Variants in FAT2 observed in about 807,000 individuals in gnomAD.
FAT2 encodes the protein protocadherin Fat 2.
FAT2 carries 150 observed loss-of-function variants against 295.3 expected under a neutral mutation model. The observed-to-expected ratio is 0.51, with a 90% CI of 0.44 to 0.58. The LOEUF is 0.58. Ranked by LOEUF, FAT2 falls within the 20% of genes least tolerant of loss-of-function variation. The probability of loss-of-function intolerance (pLI) is 0.00; values close to 1 mark genes in which losing one functional copy is unlikely to be tolerated. For missense variants in FAT2, 4,868 were observed against 5,442.7 expected (o/e 0.89, Z 3.32); for synonymous variants, 2,026 against 2,150.3 (o/e 0.94, Z 1.60).
At chr5:151,569,665 T>G (rs1023873320) in intron 1 of FAT2, among the ~76,000 whole-genome samples, 1 of 114,018 alleles carries the variant, frequency 8.8e-6, no homozygotes, top group African/African-American at 3.1e-5. Context: ...AGTCCTGAAC[T>G]CTTACTCTTT....
intron 1 of FAT2, among the ~76,000 whole-genome samples, chr5:151,583,093 T>A (rs1313773484): frequency 6.6e-6 from 1 of 152,196 alleles, no homozygotes; most frequent in African/African-American, 2.4e-5. Context: ...AGATAGAGAC[T>A]GAACCCTGGG....
At chr5:151,524,275 A>C (rs1753774614) in intron 18 of FAT2, among the ~76,000 whole-genome samples, 1 of 152,164 alleles carries the variant, frequency 6.6e-6, no homozygotes, top group Non-Finnish European at 1.5e-5. Flanking sequence ...CTTGATTTTT[A>C]CCTGTTGTAA....
In FAT2 at chr5:151,544,867, T is replaced by A. The variant is rs760433520; in HGVS notation, c.6260A>T (p.Asp2087Val). 3 of 1,614,172 alleles carry A rather than the reference T, an allele frequency of 1.9e-6. No homozygotes were observed. The highest frequency in any genetic ancestry group is 1.7e-6 in the Non-Finnish European group (2 of 1,180,042). Residue 2087 changes from aspartate to valine, a missense_variant, in exon 10 of 24, where the codon GAT becomes GTT. This residue lies in a region of FAT2 where 3,297 missense variants were observed against 3,669.4 expected (regional missense o/e 0.90). Coordinates refer to ENST00000261800, the MANE Select transcript of FAT2 (RefSeq NM_001447.3). ...TIIQDGTEPG[D>V]VLFQVSATDE... ...AGTGGCAGATACCTGAAAGAGGACA[T>A]CCCCTGGCTCTGTGCCATCTTGGAT...
chr5:151,532,108 T>A, intron 13 of FAT2, 138 bp from the exon 14 acceptor site: 1 of 1,122,808 alleles, frequency 8.9e-7, no homozygotes, highest in Non-Finnish European at 1.3e-6. Flanking sequence ...ATATGAAGAG[T>A]GAGGGTCTCT....
Position 151,567,126 on chromosome 5 carries a change from T to C in FAT2, c.1806A>G (p.Val602=), listed in dbSNP as rs780163578. 9.3e-6 allele frequency: 15 copies of C among 1,614,070 alleles called. No homozygotes were observed. Among genetic ancestry groups the C allele is most frequent in the Non-Finnish European group, 1.3e-5 (15 of 1,180,024 alleles). Residue 602 remains valine, a synonymous_variant, in exon 2 of 24, where the codon GTA becomes GTG. Transcript: ENST00000261800. ...CAAAATACTCTAGTTCATTGCCTGA[T>C]ACAATCTCGTATTTTAGGTTCTGAA... The part of the protein sequence containing the change: ...DELQNLKYEI[V]SGNELEYFDL...
At chr5:151,548,793 C>G (rs1002231144) in intron 9 of FAT2, among the ~76,000 whole-genome samples, 1 of 152,174 alleles carries the variant, frequency 6.6e-6, no homozygotes, top group African/African-American at 2.4e-5. Context: ...CATACATTTT[C>G]TCTTTTAATC....
intron 13 of FAT2, among the ~76,000 whole-genome samples, chr5:151,532,264 C>A (rs1754716968): frequency 6.6e-6 from 1 of 152,174 alleles, no homozygotes; most frequent in Admixed American, 6.5e-5. Context: ...GAAAAATATG[C>A]AGATAAAACC....
At position 151,550,711 on chromosome 5, in the gene FAT2, T is replaced by C; in HGVS notation, c.4457A>G (p.His1486Arg). The C allele has an allele frequency of 6.2e-7, 1 of 1,614,134 alleles. No homozygotes were observed. The highest frequency in any genetic ancestry group is 8.5e-7 in the Non-Finnish European group (1 of 1,180,020). ...GGCACTTCCTGGGTCTTGGCTGCCATGTATGGTATAGATGAGGCTTTTGCC... is the reference window on the plus strand; with the variant it reads ...GGCACTTCCTGGGTCTTGGCTGCCACGTATGGTATAGATGAGGCTTTTGCC... Reference protein sequence around the residue: ...DKGKSLIYTIHGSQDPGSASL... With the variant: ...DKGKSLIYTIRGSQDPGSASL... The change falls in exon 8 of 24, where the codon CAT (histidine) becomes CGT (arginine). Residue 1486 changes from histidine (H) to arginine (R), a missense_variant. Transcript: ENST00000261800.
At chr5:151,534,970 A>AATATAT (rs138459865) in intron 12 of FAT2, among the ~76,000 whole-genome samples, 7,002 of 106,262 alleles carry the variant, frequency 0.066, 550 homozygotes, top group African/African-American at 0.13. Flanking sequence ...CTTCTAGGAA[A>AATATAT]ATATATATAT....
At chr5:151,551,976 G>GGTGTGTGTGTGTGT (rs56267278) in intron 6 of FAT2, among the ~76,000 whole-genome samples, 18 of 143,648 alleles carry the variant, frequency 1.3e-4, no homozygotes, top group African/African-American at 4.1e-4. Flanking sequence ...TAACCCTAAG[G>GGTGTGTGTGTGTGT]GTGTGTGTGT....
At position 151,568,829 on chromosome 5, in the gene FAT2, G is replaced by C. The variant is rs1477860288; in HGVS notation, c.103C>G (p.His35Asp). ...ILSSSAWHFTHSHYNATIYEN... is the reference protein window; with the variant it reads ...ILSSSAWHFTDSHYNATIYEN... Reference sequence around the variant, plus strand: ...TAGATGGTGGCATTGTAATGGGAGTGTGTGAAGTGCCAAGCAGAGGAGGAG... The same window carrying C: ...TAGATGGTGGCATTGTAATGGGAGTCTGTGAAGTGCCAAGCAGAGGAGGAG... Residue 35 changes from histidine to aspartate, a missense_variant, in exon 2 of 24, where the codon CAC (histidine) becomes GAC (aspartate). His to Asp is a moderately conservative substitution (Grantham distance 81, BLOSUM62 -1). This residue lies in a region of FAT2 where 3,297 missense variants were observed against 3,669.4 expected (regional missense o/e 0.90). Coordinates refer to ENST00000261800, the MANE Select transcript of FAT2 (RefSeq NM_001447.3). 6.2e-7 allele frequency: 1 copy of C among 1,614,144 alleles called. No homozygotes were observed. The highest frequency in any genetic ancestry group is 1.6e-4 in the Middle Eastern group (1 of 6,062).
At chr5:151,528,548 G>A (rs370895965) in intron 15 of FAT2, among the ~76,000 whole-genome samples, 1 of 152,192 alleles carries the variant, frequency 6.6e-6, no homozygotes, top group East Asian at 1.9e-4. Context: ...AGGTTCTTTC[G>A]GGGCTGGAGC....
In FAT2 at chr5:151,543,028, G is replaced by A. The variant is rs150841323; in HGVS notation, c.8099C>T (p.Ala2700Val). The change falls in exon 10 of 24, where the codon GCA (alanine) becomes GTA (valine). Residue 2700 changes from alanine (A) to valine (V), a missense_variant. Around this residue, in one of 5 missense-constraint regions of FAT2, gnomAD observed 3,297 missense variants for 3,669.4 expected, o/e 0.90. Transcript: ENST00000261800. ...KFSEPLYTFS[A>V]PEDLPEGSEI... ...AGACCCCTCTGGAAGGTCTTCAGGTGCAGAGAAAGTATACAAAGGTTCAGA... is the reference window on the plus strand; with the variant it reads ...AGACCCCTCTGGAAGGTCTTCAGGTACAGAGAAAGTATACAAAGGTTCAGA... 259 of 1,614,190 alleles carry A rather than the reference G, an allele frequency of 1.6e-4. 3 individuals are homozygous for A. The African/African-American group carries it at 2.8e-3, about 17-fold the overall frequency.
At chr5:151,588,576 T>C (rs1181521166) in intron 1 of FAT2, among the ~76,000 whole-genome samples, 1 of 152,222 alleles carries the variant, frequency 6.6e-6, no homozygotes, top group African/African-American at 2.4e-5. Flanking sequence ...GATTCATTCA[T>C]TCATTCAGCA....
intron 6 of FAT2, among the ~76,000 whole-genome samples, chr5:151,551,867 A>G (rs139230586): frequency 6.7e-4 from 102 of 152,352 alleles, no homozygotes; most frequent in African/African-American, 2.4e-3. Context: ...ATGTAACAAC[A>G]TATTTTTAAA....
rs2127650296 is a variant in FAT2, at chr5:151,568,553, C to T, written c.379G>A (p.Glu127Lys). 6.2e-7 allele frequency: 1 copy of T among 1,614,122 alleles called. No individual in the cohort carries two copies. Among genetic ancestry groups the T allele is most frequent in the Non-Finnish European group, 8.5e-7 (1 of 1,180,014 alleles). ...LIIQATEKTL[E>K]LEALTRVVVH... ...ACCACACGGGTCAAAGCTTCCAACT[C>T]CAAGGTCTTCTCTGTGGCTTGGATG... The change falls in exon 2 of 24, where the codon GAG becomes AAG. Residue 127 changes from glutamate to lysine, a missense_variant. Transcript: ENST00000261800.
intron 19 of FAT2, among the ~76,000 whole-genome samples, chr5:151,520,757 A>G (rs2127578734): frequency 6.6e-6 from 1 of 152,328 alleles, no homozygotes; most frequent in South Asian, 2.1e-4. Context: ...TAGGGTTTGA[A>G]CCTGAGCTGT....
At chr5:151,579,889 A>T (rs770477062) in intron 1 of FAT2, among the ~76,000 whole-genome samples, 1 of 152,160 alleles carries the variant, frequency 6.6e-6, no homozygotes, top group African/African-American at 2.4e-5. Flanking sequence ...TATAACTATC[A>T]TTCTTCTTAT....
rs2127642420 is a variant in FAT2, at chr5:151,563,600, G to A, written c.3299C>T (p.Ala1100Val). The change falls in exon 3 of 24, where the codon GCA becomes GTA. Residue 1100 changes from alanine (A) to valine (V), a missense_variant. Coordinates refer to ENST00000261800, the MANE Select transcript of FAT2 (RefSeq NM_001447.3). ...QTLAPLDREF[A>V]SYYWLTVLAV... ...TAATACCGTCAACCAGTAGTAAGAT[G>A]CAAATTCTCGGTCCAGGGGTGCCAG... 1.2e-6 allele frequency: 2 copies of A among 1,614,156 alleles called. No individual in the cohort carries two copies. The highest frequency in any genetic ancestry group is 1.7e-6 in the Non-Finnish European group (2 of 1,180,022).
Sources: allele counts gnomAD v4.1 joint callset (sites outside exome capture counted in the v4.1 genomes callset), GRCh38; gene constraint gnomAD v4.1.1; regional missense constraint gnomAD v4.1.1; transcripts MANE v1.5; gene names NCBI Gene and HGNC (gene_info 2026-07-23, HGNC 2026-07-21).